ZFYVE16: variants seen among roughly 807,000 people sequenced by gnomAD.
ZFYVE16 encodes zinc finger FYVE-type containing 16, also known as zinc finger FYVE domain-containing protein 16.
In ZFYVE16, 89 loss-of-function variants were observed where a neutral mutation model predicts 138.1. That is an observed-to-expected ratio of 0.64 (90% CI 0.54 to 0.77). The LOEUF (loss-of-function observed/expected upper bound fraction) is 0.77. Among genes scored for constraint, ZFYVE16 ranks in the 30% least tolerant of loss-of-function variants. The probability of loss-of-function intolerance (pLI) is 0.00; values close to 1 mark genes in which losing one functional copy is unlikely to be tolerated. For missense variants in ZFYVE16, 1,793 were observed against 1,786.7 expected, an observed-to-expected ratio of 1.00 and a Z score of -0.06; for synonymous variants, 596 against 618.3, an observed-to-expected ratio of 0.96 and a Z score of 0.53.
intron 1 of ZFYVE16, chr5:80,411,620 C>A (rs1233031161): frequency 6.6e-6 from 1 of 152,116 alleles, no homozygotes; most frequent in East Asian, 1.9e-4. Flanking sequence ...GGCTCTTGTC[C>A]TCTTCTAAAT....
chr5:80,426,203 T>TG (rs1747977263), intron 1 of ZFYVE16, among the ~76,000 whole-genome samples: 1 of 8,410 alleles, frequency 1.2e-4, no homozygotes, highest in Non-Finnish European at 1.2e-3. Context: ...GTGTGTGTGG[T>TG]GTGTGTGTGT....
chr5:80,416,937 A>G (rs1746345616), intron 1 of ZFYVE16, among the ~76,000 whole-genome samples: 1 of 152,172 alleles, frequency 6.6e-6, no homozygotes, highest in African/African-American at 2.4e-5. Context: ...CCTGTATTAC[A>G]CATATATCTG....
intron 18 of ZFYVE16, 136 bp downstream of exon 18, chr5:80,474,966 T>C (rs1296772294): frequency 2.2e-6 from 2 of 913,816 alleles, no homozygotes; most frequent in East Asian, 5.3e-5. Context: ...ACTTCACATA[T>C]ATTATCTGTA....
At position 80,443,230 on chromosome 5, in the gene ZFYVE16, A is replaced by AT; in HGVS notation, c.2528dup (p.Pro844ThrfsTer12). ...TCCTCAGGAGAACCAAACATCCAGT[A>AT]TACCTTCACCAGCAACTTTGCCAGT... is the stretch of plus-strand genomic sequence containing the variant. On this transcript the variant is annotated frameshift_variant, in exon 6 of 19. Coordinates refer to ENST00000505560, the MANE Select transcript of ZFYVE16 (RefSeq NM_001284236.3). LOFTEE classifies it high-confidence loss of function. 6.2e-7 allele frequency: 1 copy of AT among 1,611,580 alleles called. No individual in the cohort carries two copies. The highest frequency in any genetic ancestry group is 8.5e-7 in the Non-Finnish European group (1 of 1,179,448).
At chr5:80,474,393 C>T (rs976689734) in intron 17 of ZFYVE16, among the ~76,000 whole-genome samples, 1 of 152,104 alleles carries the variant, frequency 6.6e-6, no homozygotes, top group Non-Finnish European at 1.5e-5. Context: ...TATAGATGTT[C>T]TTTACAGGAT....
chr5:80,465,597 C>T (rs1215638897), intron 15 of ZFYVE16, among the ~76,000 whole-genome samples: 1 of 151,312 alleles, frequency 6.6e-6, no homozygotes, highest in African/African-American at 2.4e-5. Context: ...TTTGTAGAGA[C>T]AGGGTCTCAC....
chr5:80,443,726 A>G, intron 6 of ZFYVE16: 3 of 456,438 alleles, frequency 6.6e-6, no homozygotes, highest in African/African-American at 2.0e-5. Flanking sequence ...GCTGCTGCAA[A>G]GATCCTGGCA....
chr5:80,475,481 A>G (rs1002200676), intron 18 of ZFYVE16, among the ~76,000 whole-genome samples: 1 of 152,176 alleles, frequency 6.6e-6, no homozygotes, highest in African/African-American at 2.4e-5. Flanking sequence ...CATCCAACCC[A>G]TCAGTTCACC....
At chr5:80,468,665 C>A (rs1418446377) in intron 15 of ZFYVE16, among the ~76,000 whole-genome samples, 1 of 152,038 alleles carries the variant, frequency 6.6e-6, no homozygotes, top group Non-Finnish European at 1.5e-5. Flanking sequence ...TGATTTATTC[C>A]TTTACCTTAT....
rs185668504 is a variant in ZFYVE16 at position 80,416,941 on chromosome 5, A to G, written c.-94+8788A>G. Among the ~76,000 whole-genome samples, 932 of 152,274 alleles carry G rather than the reference A, an allele frequency of 6.1e-3. 10 individuals carry two copies. The highest frequency in any genetic ancestry group is 0.021 in the African/African-American group (860 of 41,546). On this transcript the variant is annotated intron_variant, in intron 1 of 18. Coordinates refer to ENST00000505560, the MANE Select transcript of ZFYVE16 (RefSeq NM_001284236.3). ...GTTTATACTAACCTGTATTACACAT[A>G]TATCTGTAAATATTTCTATGTGTGA... is the stretch of plus-strand genomic sequence containing the variant.
chr5:80,431,120 G>T (rs1240552497), intron 2 of ZFYVE16, among the ~76,000 whole-genome samples: 1 of 152,120 alleles, frequency 6.6e-6, no homozygotes, highest in Non-Finnish European at 1.5e-5. Context: ...CCAAAGCCTG[G>T]CAGAGGCACA....
Position 80,444,987 on chromosome 5 carries a change from T to C in ZFYVE16, c.2582-276T>C, listed in dbSNP as rs142666047. 3.3e-3 allele frequency among the ~76,000 whole-genome samples: 497 copies of C among 152,266 alleles called. 1 individual carries two copies. The highest frequency in any genetic ancestry group is 0.011 in the African/African-American group (451 of 41,546). On this transcript the variant is annotated intron_variant, in intron 6 of 18. Coordinates refer to ENST00000505560, the MANE Select transcript of ZFYVE16 (RefSeq NM_001284236.3). ...ATTCCCAGACCCACCTCTGGTCTAA[T>C]ATGCTATGAATTAGATAGATCTCCT... is the stretch of plus-strand genomic sequence containing the variant.
chr5:80,448,704 T>C (rs939077745), intron 8 of ZFYVE16, among the ~76,000 whole-genome samples: 1 of 152,126 alleles, frequency 6.6e-6, no homozygotes. Flanking sequence ...CACTGTATTA[T>C]TACTATTTTT....
At chr5:80,409,844 C>G (rs1256927045) in intron 1 of ZFYVE16, 2 of 152,144 alleles carry the variant, frequency 1.3e-5, no homozygotes, top group East Asian at 3.8e-4. Context: ...GATTGGTGGG[C>G]TGTTAGGTTG....
chr5:80,441,340 A>G, intron 5 of ZFYVE16: 1 of 985,456 alleles, frequency 1.0e-6, no homozygotes, highest in Non-Finnish European at 1.2e-6. Flanking sequence ...TCAGTAGAAT[A>G]CTGAGATCAA....
rs534542030 is a variant in ZFYVE16, at chr5:80,477,977, A to G, written c.*600A>G. 6.6e-6 allele frequency: 1 copy of G among 152,242 alleles called. No individual in the cohort carries two copies. Among genetic ancestry groups the G allele is most frequent in the East Asian group, 1.9e-4 (1 of 5,196 alleles). 9.4% of individuals were successfully genotyped at this position (152,242 alleles called of 1,614,324 possible). A position where few individuals can be genotyped will look rare whatever the true frequency, so the allele number is the denominator to read the frequency against. On this transcript the variant is annotated 3_prime_UTR_variant, in exon 19 of 19. Coordinates refer to ENST00000505560, the MANE Select transcript of ZFYVE16 (RefSeq NM_001284236.3). The stretch of plus-strand genomic sequence containing the variant: ...CTTTTTTCTTCTCAAATTATTACAT[A>G]TGTATGTATTATATATCCACATATA...
intron 15 of ZFYVE16, among the ~76,000 whole-genome samples, chr5:80,461,496 C>G (rs553920404): frequency 2.6e-5 from 4 of 152,266 alleles, no homozygotes; most frequent in African/African-American, 9.6e-5. Flanking sequence ...GCTGCCATAA[C>G]AAAATACAAC....
intron 1 of ZFYVE16, chr5:80,409,982 G>A (rs2112113434): frequency 6.6e-6 from 1 of 152,128 alleles, no homozygotes; most frequent in African/African-American, 2.4e-5. Flanking sequence ...TTTTTTTTAA[G>A]TTTGTTAAAC....
chr5:80,451,221 G>A (rs911159899), intron 10 of ZFYVE16, among the ~76,000 whole-genome samples: 1 of 152,146 alleles, frequency 6.6e-6, no homozygotes, highest in African/African-American at 2.4e-5. Flanking sequence ...AAATTGGAAG[G>A]TTGGAAACAT....
Sources: allele counts gnomAD v4.1 joint callset (sites outside exome capture counted in the v4.1 genomes callset), GRCh38; gene constraint gnomAD v4.1.1; transcripts MANE v1.5; gene names NCBI Gene and HGNC (gene_info 2026-07-23, HGNC 2026-07-21).